AK9: variants seen among roughly 807,000 people sequenced by gnomAD.
The protein encoded by AK9 is adenylate kinase 9.
A neutral mutation model predicts 239.6 loss-of-function variants in AK9; 191 were observed. That is an observed-to-expected ratio of 0.80 (90% CI 0.71 to 0.90). AK9 has a LOEUF of 0.90. Ranked by LOEUF, AK9 falls within the 40% of genes least tolerant of loss-of-function variation. The pLI is 0.00. For synonymous variants in AK9, 689 were observed against 721.0 expected (o/e 0.96, Z 0.71); for missense variants, 1,995 against 2,214.7 (o/e 0.90, Z 1.99).
At chr6:109,671,880 G>A in intron 5 of AK9, 39 bp downstream of exon 5, 2 of 1,579,630 alleles carry the variant, frequency 1.3e-6, no homozygotes, top group Admixed American at 3.5e-5. Context: ...GAGTTTTAAG[G>A]CTGCTTTGTG....
chr6:109,651,542 A>C (rs1305447047), intron 8 of AK9, among the ~76,000 whole-genome samples: 1 of 152,248 alleles, frequency 6.6e-6, no homozygotes, highest in African/African-American at 2.4e-5. Context: ...TTCAAAAGCT[A>C]GCAGAAGGCA....
At position 109,499,122 on chromosome 6, in the gene AK9, G is replaced by C. The variant is rs1290097135; in HGVS notation, c.4968C>G (p.Cys1656Trp). The C allele has an allele frequency of 6.2e-7, 1 of 1,610,110 alleles. No individual in the cohort carries two copies. The highest frequency in any genetic ancestry group is 1.7e-5 in the Admixed American group (1 of 59,414). The stretch of plus-strand genomic sequence containing the variant: ...CAAATTCCAAGGAGTCAGTTGCAGA[G>C]CAATCAAATAATTCCTGGGATTCTG... ...SLAESQELFD[C>W]SATDSLEFAA... The change falls in exon 36 of 41, where the codon TGC (cysteine) becomes TGG (tryptophan). Residue 1656 changes from cysteine to tryptophan, a missense_variant. Cys to Trp is a radical substitution (Grantham distance 215). Coordinates refer to ENST00000424296, the MANE Select transcript of AK9 (RefSeq NM_001145128.3).
intron 3 of AK9, 151 bp downstream of exon 3, chr6:109,674,047 T>G: frequency 2.3e-6 from 1 of 427,848 alleles, no homozygotes. Context: ...GGTTGATAGG[T>G]GGACAAATGT....
chr6:109,547,728 A>G (rs1783756530), intron 25 of AK9, among the ~76,000 whole-genome samples: 1 of 152,086 alleles, frequency 6.6e-6, no homozygotes, highest in Non-Finnish European at 1.5e-5. Context: ...CCTCTGTATC[A>G]CAAAGAAAAT....
In AK9 at chr6:109,564,354, C is replaced by T; in HGVS notation, c.2435-74G>A. 3.3e-6 allele frequency: 4 copies of T among 1,230,252 alleles called. No individual in the cohort carries two copies. In the South Asian group the frequency reaches 6.4e-5, roughly 20 times the overall value. 76.2% of individuals were successfully genotyped at this position (1,230,252 alleles called of 1,614,324 possible). On this transcript the variant is annotated intron_variant, in intron 22 of 40. Coordinates refer to ENST00000424296, the MANE Select transcript of AK9 (RefSeq NM_001145128.3). ...ATCTTTAGCCATATTGCCAAAATAG[C>T]TTATACTTTGCAATTTTTTTAAACA... is the stretch of plus-strand genomic sequence containing the variant.
rs142994672 is a variant in AK9 at position 109,556,526 on chromosome 6, T to A, written c.2752-6224A>T. Among the ~76,000 whole-genome samples the A allele has an allele frequency of 2.5e-3, 384 of 152,256 alleles. 1 individual carries two copies. Among genetic ancestry groups the A allele is most frequent in the African/African-American group, 8.9e-3 (369 of 41,552 alleles). ...TGGAGTATCTTAATGGTGTTCTCTG[T>A]ATTTCCTGAATTTGAATGTTGGCTT... On this transcript the variant is annotated intron_variant, in intron 24 of 40. Coordinates refer to ENST00000424296, the MANE Select transcript of AK9 (RefSeq NM_001145128.3).
At chr6:109,615,535 G>A (rs1035052293) in intron 13 of AK9, among the ~76,000 whole-genome samples, 2 of 151,950 alleles carry the variant, frequency 1.3e-5, no homozygotes, top group African/African-American at 4.8e-5. Flanking sequence ...AATTTTGAAG[G>A]TATTATACTA....
intron 35 of AK9, among the ~76,000 whole-genome samples, chr6:109,505,771 G>A (rs1192954449): frequency 6.6e-6 from 1 of 152,132 alleles, no homozygotes; most frequent in Non-Finnish European, 1.5e-5. Flanking sequence ...TTGGGTAGCG[G>A]CAGTCATTTA....
chr6:109,595,511 A>C (rs1790901027), intron 17 of AK9, among the ~76,000 whole-genome samples: 1 of 152,190 alleles, frequency 6.6e-6, no homozygotes, highest in South Asian at 2.1e-4. Flanking sequence ...GTATATACCC[A>C]AAGGATTATT....
At chr6:109,555,810 T>C (rs1049389535) in intron 24 of AK9, among the ~76,000 whole-genome samples, 10 of 152,238 alleles carry the variant, frequency 6.6e-5, no homozygotes, top group Admixed American at 2.0e-4. Context: ...GTCCGTTTGG[T>C]CAGAGACTAA....
At chr6:109,506,935 A>C (rs1383751805) in intron 33 of AK9, 135 bp from the exon 34 acceptor site, 1 of 1,332,478 alleles carries the variant, frequency 7.5e-7, no homozygotes, top group African/African-American at 1.5e-5. Context: ...TATTTTCTTC[A>C]CACTTTGCCC....
chr6:109,661,923 T>C (rs1015376363), intron 6 of AK9, among the ~76,000 whole-genome samples: 8 of 152,210 alleles, frequency 5.3e-5, no homozygotes, highest in Admixed American at 1.3e-4. Flanking sequence ...CAAATTCTAA[T>C]AATAAAAGAG....
chr6:109,604,464 T>C (rs1792571660), intron 17 of AK9, among the ~76,000 whole-genome samples: 1 of 152,218 alleles, frequency 6.6e-6, no homozygotes, highest in Non-Finnish European at 1.5e-5. Context: ...GTTAATCTTA[T>C]CAACACCATT....
intron 3 of AK9, 87 bp from the exon 4 acceptor site, chr6:109,672,254 C>T: frequency 1.8e-6 from 2 of 1,113,150 alleles, no homozygotes; most frequent in Non-Finnish European, 1.3e-6. Flanking sequence ...TAACTGGTAA[C>T]AAAGATTAAC....
chr6:109,628,401 C>G (rs1408593621), intron 12 of AK9, among the ~76,000 whole-genome samples: 1 of 152,190 alleles, frequency 6.6e-6, no homozygotes, highest in Non-Finnish European at 1.5e-5. Flanking sequence ...TCAGTCTCCT[C>G]AGCTCCATGG....
rs1796321672 is a variant in AK9 at position 109,633,222 on chromosome 6, A to G, written c.1035T>C (p.Asp345=). The G allele has an allele frequency of 7.5e-6, 12 of 1,602,386 alleles. No individual in the cohort carries two copies. The highest frequency in any genetic ancestry group is 1.0e-5 in the Non-Finnish European group (12 of 1,177,592). The change falls in exon 11 of 41, where the codon GAT becomes GAC. Residue 345 remains aspartate, a synonymous_variant. Coordinates refer to ENST00000424296, the MANE Select transcript of AK9 (RefSeq NM_001145128.3). ...WGRTCPVNLK[D]GNIYSGLPDY... The stretch of plus-strand genomic sequence containing the variant: ...CTGGTAATCCTGAATAAATGTTACC[A>G]TCTTTTAAATTCACAGGACATGTAC...
intron 6 of AK9, among the ~76,000 whole-genome samples, chr6:109,660,591 C>T (rs764717892): frequency 2.6e-5 from 4 of 152,170 alleles, no homozygotes; most frequent in Non-Finnish European, 5.9e-5. Context: ...GAATTTCAAC[C>T]TACACAGGTA....
chr6:109,546,832 G>A (rs1021929835), intron 25 of AK9, among the ~76,000 whole-genome samples: 19 of 152,080 alleles, frequency 1.2e-4, no homozygotes, highest in Admixed American at 2.6e-4. Flanking sequence ...TAAAACTACC[G>A]GATTAACACT....
chr6:109,545,526 CTCTT>C (rs1370684877), intron 26 of AK9, among the ~76,000 whole-genome samples: 1 of 152,224 alleles, frequency 6.6e-6, no homozygotes, highest in Non-Finnish European at 1.5e-5. Flanking sequence ...CACAAGCTCT[CTCTT>C]TGCCTGCTGC....
Sources: gnomAD v4.1 joint callset for allele counts (sites outside exome capture counted in the v4.1 genomes callset) on GRCh38, gnomAD v4.1.1 for gene constraint, MANE v1.5 for transcripts, NCBI Gene and HGNC (gene_info 2026-07-23, HGNC 2026-07-21) for gene names.